Variants in F11R observed in about 807,000 individuals in gnomAD.
F11R encodes the protein junctional adhesion molecule A.
In F11R, 27 loss-of-function variants were observed where a neutral mutation model predicts 39.3. That is an observed-to-expected ratio of 0.69 (90% CI 0.51 to 0.95). The LOEUF is 0.95. Among genes scored for constraint, F11R ranks in the 40% least tolerant of loss-of-function variants. F11R has a pLI of 0.00. For synonymous variants in F11R, 131 were observed against 144.9 expected, an observed-to-expected ratio of 0.90 and a Z score of 0.69; for missense variants, 335 against 372.7, an observed-to-expected ratio of 0.90 and a Z score of 0.83.
chr1:161,020,827 A>G (rs1036710607), intron 1 of F11R, among the ~76,000 whole-genome samples, 183 bp downstream of exon 1: 1 of 152,194 alleles, frequency 6.6e-6, no homozygotes, highest in African/African-American at 2.4e-5. Context: ...GAGGGGAGCC[A>G]GCCACTCACC....
intron 1 of F11R, among the ~76,000 whole-genome samples, chr1:161,004,817 T>G (rs1392967033): frequency 6.6e-6 from 1 of 152,154 alleles, no homozygotes; most frequent in Non-Finnish European, 1.5e-5. Flanking sequence ...TTATTTTATT[T>G]ATATATTTGC....
At position 161,000,771 on chromosome 1, in the gene F11R, T is replaced by C. The variant is rs1204383124; in HGVS notation, c.248A>G (p.Tyr83Cys). Residue 83 changes from tyrosine (Y) to cysteine (C), a missense_variant, in exon 4 of 10, where the codon TAT (tyrosine) becomes TGT (cysteine). Physicochemically the swap from Tyr to Cys is radical, Grantham distance 194. Transcript: ENST00000368026. ...TGGCAAGAAGGTCACCCGGTCCTCA[T>C]AGGAAGCTACCACAAGAGGAGGCAA... ...VCYNNKITAS[Y>C]EDRVTFLPTG... 1.7e-5 allele frequency: 27 copies of C among 1,614,032 alleles called. No homozygotes were observed. Among genetic ancestry groups the C allele is most frequent in the Non-Finnish European group, 2.1e-5 (25 of 1,180,004 alleles).
At chr1:161,004,889 G>C (rs1432849655) in intron 1 of F11R, among the ~76,000 whole-genome samples, 1 of 151,900 alleles carries the variant, frequency 6.6e-6, no homozygotes, top group South Asian at 2.1e-4. Context: ...GGCTGAGCAC[G>C]GTAGCTCACA....
chr1:161,011,274 C>A (rs919344184), intron 1 of F11R, among the ~76,000 whole-genome samples: 1 of 151,888 alleles, frequency 6.6e-6, no homozygotes, highest in African/African-American at 2.4e-5. Flanking sequence ...CTCAAGTGAT[C>A]CGTCCGCCCC....
Position 160,999,704 on chromosome 1 carries a change from G to A in F11R, c.738C>T (p.Thr246=). 1.2e-6 allele frequency: 2 copies of A among 1,614,120 alleles called. No homozygotes were observed. The highest frequency in any genetic ancestry group is 1.7e-6 in the Non-Finnish European group (2 of 1,180,020). ...AAACCAAGATTCCCAGGAGAATCAG[G>A]GTTACAAGGACGGCTGCCACGATGA... The part of the protein sequence containing the change: ...VGVIVAAVLV[T]LILLGILVFG... Residue 246 remains threonine (T), a synonymous_variant, in exon 7 of 10, where the codon ACC becomes ACT. Coordinates refer to ENST00000368026, the MANE Select transcript of F11R (RefSeq NM_016946.6).
chr1:161,000,473 G>C, intron 4 of F11R, 125 bp from the exon 5 acceptor site: 1 of 1,387,430 alleles, frequency 7.2e-7, no homozygotes, highest in Non-Finnish European at 1.0e-6. Flanking sequence ...GCCCCTGGCT[G>C]CCACCTAACC....
intron 1 of F11R, among the ~76,000 whole-genome samples, chr1:161,004,850 T>G (rs1447793909): frequency 1.3e-5 from 2 of 152,016 alleles, no homozygotes; most frequent in African/African-American, 4.8e-5. Flanking sequence ...AATGTCAAAT[T>G]TATGCTCAAA....
At chr1:160,999,215 G>A (rs922827911) in intron 8 of F11R, 124 bp from the exon 9 acceptor site, 3 of 1,376,654 alleles carry the variant, frequency 2.2e-6, no homozygotes, top group East Asian at 2.5e-5. Flanking sequence ...AGACAGGTAT[G>A]GGTGGGGTAA....
chr1:161,014,946 C>G (rs896442322), intron 1 of F11R, among the ~76,000 whole-genome samples: 2 of 148,422 alleles, frequency 1.3e-5, no homozygotes, highest in African/African-American at 5.0e-5. Flanking sequence ...GGAATGGTGG[C>G]GGGTGCCTGT....
chr1:160,998,800 A>C lies in F11R; in HGVS notation c.*71T>G, dbSNP rs929342606. Reference sequence around the variant, plus strand: ...AATAAGGCATCCTGTGAAACTACAGACATCAGGGGCCAGAGTCCGGTAGCA... The same window carrying C: ...AATAAGGCATCCTGTGAAACTACAGCCATCAGGGGCCAGAGTCCGGTAGCA... On this transcript the variant is annotated 3_prime_UTR_variant, in exon 10 of 10. Transcript: ENST00000368026. 92 of 1,466,660 alleles carry C rather than the reference A, an allele frequency of 6.3e-5. No homozygotes were observed. In the Admixed American group the frequency reaches 1.6e-3, roughly 25 times the overall value. The allele number at this position is 1,466,660 out of a possible 1,614,324, so 90.9% of individuals were successfully genotyped here.
At chr1:161,000,382 A>G (rs1013741621) in intron 4 of F11R, 34 bp from the exon 5 acceptor site, 5 of 1,604,606 alleles carry the variant, frequency 3.1e-6, no homozygotes, top group African/African-American at 1.3e-5. Context: ...TGCTGAGTAC[A>G]GGGTGGGGGC....
Position 160,998,895 on chromosome 1 carries a change from T to C in F11R, c.876A>G (p.Lys292=). 1.2e-6 allele frequency: 2 copies of C among 1,614,172 alleles called. No homozygotes were observed. The highest frequency in any genetic ancestry group is 2.2e-5 in the South Asian group (2 of 91,084). Residue 292 remains lysine, a synonymous_variant, in exon 10 of 10, where the codon AAA becomes AAG. Coordinates refer to ENST00000368026, the MANE Select transcript of F11R (RefSeq NM_016946.6). ...CTCACACCAGGAATGACGAGGTCTGTTTGAATTCTCCCTGCAGAAATAAAA... is the reference window on the plus strand; with the variant it reads ...CTCACACCAGGAATGACGAGGTCTGCTTGAATTCTCCCTGCAGAAATAAAA... ...QPSARSEGEF[K]QTSSFLV
Position 160,997,525 on chromosome 1 carries a change from T to A in F11R, c.*1346A>T, listed in dbSNP as rs2101963817. On this transcript the variant is annotated 3_prime_UTR_variant, in exon 10 of 10. Transcript: ENST00000368026. ...ACAAGAGGGCTCTGGAATGAAGGCCTGAAATTCAGAAGCTCTGCCTTGAGA... is the reference window on the plus strand; with the variant it reads ...ACAAGAGGGCTCTGGAATGAAGGCCAGAAATTCAGAAGCTCTGCCTTGAGA... 1 of 152,728 alleles carries A rather than the reference T, an allele frequency of 6.5e-6. No homozygotes were observed. Among genetic ancestry groups the A allele is most frequent in the East Asian group, 1.9e-4 (1 of 5,310 alleles). 9.5% of individuals were successfully genotyped at this position (152,728 alleles called of 1,614,324 possible).
chr1:161,010,996 AT>A (rs1205491979), intron 1 of F11R, among the ~76,000 whole-genome samples: 1 of 133,486 alleles, frequency 7.5e-6, no homozygotes, highest in East Asian at 2.2e-4. Context: ...AAAAAAAAAA[AT>A]TCATGTACAA....
chr1:161,019,109 G>T, intron 1 of F11R, among the ~76,000 whole-genome samples: 1 of 152,240 alleles, frequency 6.6e-6, no homozygotes, highest in East Asian at 1.9e-4. Context: ...CACTCACACA[G>T]AAGAAACTTC....
At chr1:161,008,873 A>T (rs1424464441) in intron 1 of F11R, among the ~76,000 whole-genome samples, 1 of 152,010 alleles carries the variant, frequency 6.6e-6, no homozygotes, top group African/African-American at 2.4e-5. Flanking sequence ...TAAAATCCAA[A>T]TTTTTCTGCA....
At chr1:161,020,707 C>T (rs1462283425) in intron 1 of F11R, among the ~76,000 whole-genome samples, 1 of 152,148 alleles carries the variant, frequency 6.6e-6, no homozygotes, top group Non-Finnish European at 1.5e-5. Context: ...GGGTCCTTGG[C>T]CCGACGGCCC....
rs575661810 is a variant in F11R at position 161,010,476 on chromosome 1, T to C, written c.65-9123A>G. Among the ~76,000 whole-genome samples the C allele has an allele frequency of 3.8e-3, 529 of 140,808 alleles. 3 individuals carry two copies. Among genetic ancestry groups the C allele is most frequent in the Non-Finnish European group, 6.1e-3 (397 of 65,498 alleles). The allele number at this position is 140,808 out of a possible 152,430, so 92.4% of individuals were successfully genotyped here. A position where few individuals can be genotyped will look rare whatever the true frequency, so the allele number is the denominator to read the frequency against. On this transcript the variant is annotated intron_variant, in intron 1 of 9. Transcript: ENST00000368026. ...AAAAAAACAGTTGATCCAAACCATA[T>C]GGCTACAAATAGCAAGGTAGGAATC...
intron 1 of F11R, among the ~76,000 whole-genome samples, chr1:161,002,956 G>GTTTT (rs35780690): frequency 7.5e-6 from 1 of 132,468 alleles, no homozygotes; most frequent in Non-Finnish European, 1.6e-5. Flanking sequence ...CTATTTATTT[G>GTTTT]TTTTTTTTTT....
Sources: allele counts gnomAD v4.1 joint callset (sites outside exome capture counted in the v4.1 genomes callset), GRCh38; gene constraint gnomAD v4.1.1; transcripts MANE v1.5; gene names NCBI Gene and HGNC (gene_info 2026-07-23, HGNC 2026-07-21).